ARHGAP10: variants seen among roughly 807,000 people sequenced by gnomAD.
ARHGAP10 encodes the protein Rho GTPase activating protein 10, also known as rho GTPase-activating protein 10.
ARHGAP10 carries 87 observed loss-of-function variants against 108.6 expected under a neutral mutation model. The ratio of observed to expected loss-of-function variants is 0.80; its 90% CI spans 0.67 to 0.96. ARHGAP10 has a LOEUF of 0.96. Among genes scored for constraint, ARHGAP10 ranks in the 40% least tolerant of loss-of-function variants. The pLI, the probability that ARHGAP10 is intolerant of heterozygous loss-of-function variation, is 0.00. For synonymous variants in ARHGAP10, 347 were observed against 341.1 expected, an observed-to-expected ratio of 1.02 and a Z score of -0.19; for missense variants, 939 against 954.5, an observed-to-expected ratio of 0.98 and a Z score of 0.21.
At chr4:147,796,505 T>A (rs1361218489) in intron 1 of ARHGAP10, among the ~76,000 whole-genome samples, 13 of 152,038 alleles carry the variant, frequency 8.6e-5, no homozygotes, top group Admixed American at 8.5e-4. Flanking sequence ...TTCATCTCTT[T>A]TTTTCCTTAT....
chr4:147,906,539 A>G (rs966030042), intron 10 of ARHGAP10, 99 bp from the exon 11 acceptor site: 31 of 1,099,622 alleles, frequency 2.8e-5, no homozygotes, highest in East Asian at 2.3e-4. Flanking sequence ...TTTACCACAG[A>G]TAAAAGTAAA....
chr4:147,991,948 A>G (rs1740293961), intron 18 of ARHGAP10, among the ~76,000 whole-genome samples: 1 of 152,192 alleles, frequency 6.6e-6, no homozygotes, highest in African/African-American at 2.4e-5. Flanking sequence ...TCCCCGTTCT[A>G]TAGGTGAAGT....
chr4:147,788,093 G>A (rs560336211), intron 1 of ARHGAP10, among the ~76,000 whole-genome samples: 27 of 151,848 alleles, frequency 1.8e-4, no homozygotes, highest in African/African-American at 4.6e-4. Flanking sequence ...CACCCCTGCC[G>A]TTCCACATGG....
At chr4:147,866,961 A>C in intron 7 of ARHGAP10, 145 bp downstream of exon 7, 1 of 684,788 alleles carries the variant, frequency 1.5e-6, no homozygotes. Flanking sequence ...CTGCTGGTCA[A>C]CTCTTGGTGT....
chr4:147,865,738 A>T (rs1408698057), intron 6 of ARHGAP10: 1 of 152,242 alleles, frequency 6.6e-6, no homozygotes, highest in East Asian at 1.9e-4. Context: ...TAACCAAGTA[A>T]TGATTAAAAA....
intron 15 of ARHGAP10, among the ~76,000 whole-genome samples, chr4:147,949,620 T>G (rs1179535615): frequency 1.3e-5 from 2 of 151,456 alleles, no homozygotes; most frequent in Non-Finnish European, 2.9e-5. Flanking sequence ...AAAGCTGTGT[T>G]AGACACATGA....
chr4:147,912,956 C>T, intron 12 of ARHGAP10, 118 bp from the exon 13 acceptor site: 1 of 1,022,950 alleles, frequency 9.8e-7, no homozygotes, highest in Admixed American at 2.1e-5. Flanking sequence ...CTGCCTTTAG[C>T]TTTTTAATAG....
chr4:147,827,649 G>A (rs183480936), intron 3 of ARHGAP10, among the ~76,000 whole-genome samples: 25 of 152,258 alleles, frequency 1.6e-4, no homozygotes, highest in African/African-American at 5.1e-4. Flanking sequence ...AACTTTGAAA[G>A]ACTCTTGTTT....
intron 22 of ARHGAP10, among the ~76,000 whole-genome samples, chr4:148,069,133 T>C (rs775751314): frequency 6.6e-6 from 1 of 151,638 alleles, no homozygotes; most frequent in Non-Finnish European, 1.5e-5. Flanking sequence ...CCCAGATGGG[T>C]ATTTTGGGGT....
intron 20 of ARHGAP10, among the ~76,000 whole-genome samples, chr4:148,054,904 G>T (rs1560895245): frequency 6.6e-6 from 1 of 152,224 alleles, no homozygotes; most frequent in South Asian, 2.1e-4. Flanking sequence ...GCTTGGCCCT[G>T]TTGAAGATGT....
chr4:147,891,310 A>G (rs1429229500), intron 10 of ARHGAP10, among the ~76,000 whole-genome samples: 1 of 152,230 alleles, frequency 6.6e-6, no homozygotes, highest in East Asian at 1.9e-4. Flanking sequence ...TGTATGAATG[A>G]CACTTGAGAA....
chr4:147,839,142 ATCTG>A (rs66465708), intron 3 of ARHGAP10, among the ~76,000 whole-genome samples: 4,819 of 117,784 alleles, frequency 0.041, 93 homozygotes, highest in Non-Finnish European at 0.057. Context: ...CTATCTATCT[ATCTG>A]TCTGTCTGTC....
At chr4:147,911,552 C>T (rs182150538) in intron 12 of ARHGAP10, among the ~76,000 whole-genome samples, 301 of 152,242 alleles carry the variant, frequency 2.0e-3, no homozygotes, top group East Asian at 6.0e-3. Flanking sequence ...TTAGTAGAGA[C>T]GGGGTTTCAC....
intron 1 of ARHGAP10, among the ~76,000 whole-genome samples, chr4:147,796,877 T>C (rs150461537): frequency 5.1e-4 from 77 of 152,326 alleles, no homozygotes; most frequent in African/African-American, 1.8e-3. Context: ...CATTCTATGA[T>C]TTCTAATGTA....
chr4:147,775,433 A>AG (rs1730245964), intron 1 of ARHGAP10, among the ~76,000 whole-genome samples: 1 of 146,596 alleles, frequency 6.8e-6, no homozygotes, highest in Admixed American at 6.6e-5. Flanking sequence ...CTGTTGTCTT[A>AG]GGGGCCAGCT....
At chr4:147,861,788 A>G (rs1027548498) in intron 5 of ARHGAP10, 1 of 152,312 alleles carries the variant, frequency 6.6e-6, no homozygotes, top group Non-Finnish European at 1.5e-5. Context: ...GGTAGTCCCC[A>G]TGTCTTTCTG....
At position 148,020,381 on chromosome 4, in the gene ARHGAP10, C is replaced by T. The variant is rs189321754; in HGVS notation, c.1717-2882C>T. 8.3e-3 allele frequency among the ~76,000 whole-genome samples: 1,255 copies of T among 152,076 alleles called. 12 individuals are homozygous for T. Among genetic ancestry groups the T allele is most frequent in the Non-Finnish European group, 0.013 (911 of 67,988 alleles). On this transcript the variant is annotated intron_variant, in intron 18 of 22. Coordinates refer to ENST00000336498, the MANE Select transcript of ARHGAP10 (RefSeq NM_024605.4). ...ACGTGTGGCATGCTGGTTTGCTGCA[C>T]GTATCAACCCATCACCTAGGTATTA...
intron 11 of ARHGAP10, among the ~76,000 whole-genome samples, chr4:147,908,923 A>G (rs1323455165): frequency 6.6e-6 from 1 of 152,102 alleles, no homozygotes; most frequent in African/African-American, 2.4e-5. Flanking sequence ...TTATCTTTGC[A>G]TCTGAGCATA....
intron 1 of ARHGAP10, among the ~76,000 whole-genome samples, chr4:147,800,151 C>T (rs1731517578): frequency 6.6e-6 from 1 of 152,180 alleles, no homozygotes; most frequent in Non-Finnish European, 1.5e-5. Flanking sequence ...AAGGGATTTC[C>T]CTAGGCTGGG....
Sources: allele counts gnomAD v4.1 joint callset (sites outside exome capture counted in the v4.1 genomes callset), GRCh38; gene constraint gnomAD v4.1.1; transcripts MANE v1.5; gene names NCBI Gene and HGNC (gene_info 2026-07-23, HGNC 2026-07-21).